Variants in CSNK2A2IP observed in about 807,000 individuals in gnomAD.
CSNK2A2IP encodes casein kinase II subunit alpha'-interacting protein.
chr3:88,452,325 A>T, the CSNK2A2IP span, among the ~76,000 whole-genome samples: 1 of 152,290 alleles, frequency 6.6e-6, no homozygotes, highest in South Asian at 2.1e-4. Flanking sequence ...ATTATACAGA[A>T]GCATGAAAAT....
At chr3:88,449,872 TATAGAG>T in the CSNK2A2IP span, among the ~76,000 whole-genome samples, 1 of 79,052 alleles carries the variant, frequency 1.3e-5, no homozygotes, top group African/African-American at 4.1e-5. Flanking sequence ...TATATATATA[TATAGAG>T]AGAGAGAGAG....
At chr3:88,423,377 CT>C in the CSNK2A2IP span, among the ~76,000 whole-genome samples, 12 of 151,734 alleles carry the variant, frequency 7.9e-5, no homozygotes, top group African/African-American at 2.9e-4. Context: ...TTTTTTCTCC[CT>C]TCTGTTTTTC....
chr3:88,343,230 T>G, the CSNK2A2IP span: 1 of 152,364 alleles, frequency 6.6e-6, no homozygotes, highest in African/African-American at 2.4e-5. Context: ...TGTCCCTGTC[T>G]CAGAGTCGCC....
the CSNK2A2IP span, among the ~76,000 whole-genome samples, chr3:88,358,155 A>T: frequency 6.6e-6 from 1 of 152,346 alleles, no homozygotes; most frequent in East Asian, 1.9e-4. Flanking sequence ...ATTGGCATAT[A>T]GAAATGCTAC....
chr3:88,460,888 G>A, the CSNK2A2IP span, among the ~76,000 whole-genome samples: 1 of 152,038 alleles, frequency 6.6e-6, no homozygotes, highest in South Asian at 2.1e-4. Flanking sequence ...AGGAGTTCAA[G>A]ACCAACCTGA....
the CSNK2A2IP span, among the ~76,000 whole-genome samples, chr3:88,419,245 G>A: frequency 1.3e-5 from 2 of 152,158 alleles, no homozygotes; most frequent in Non-Finnish European, 2.9e-5. Flanking sequence ...CTGGTCTGTG[G>A]AAAAATTGTC....
chr3:88,390,369 G>C, the CSNK2A2IP span, among the ~76,000 whole-genome samples: 6 of 152,132 alleles, frequency 3.9e-5, no homozygotes, highest in African/African-American at 1.4e-4. Context: ...CCAGGATAAA[G>C]GTACTGCTGG....
chr3:88,401,318 A>G, the CSNK2A2IP span, among the ~76,000 whole-genome samples: 3 of 152,140 alleles, frequency 2.0e-5, no homozygotes, highest in Non-Finnish European at 2.9e-5. Flanking sequence ...CTGGGGAACT[A>G]TCATTATTTA....
At chr3:88,463,533 C>CA in the CSNK2A2IP span, among the ~76,000 whole-genome samples, 2 of 151,734 alleles carry the variant, frequency 1.3e-5, no homozygotes, top group African/African-American at 4.8e-5. Context: ...TTTATGCAGC[C>CA]AAAAAACACA....
At chr3:88,418,463 T>TGTGTGAGCGCGC in the CSNK2A2IP span, among the ~76,000 whole-genome samples, 2 of 149,536 alleles carry the variant, frequency 1.3e-5, no homozygotes, top group East Asian at 4.1e-4. Context: ...TGTGTGTGTG[T>TGTGTGAGCGCGC]GCGCGCGGGC....
At chr3:88,463,562 C>T in the CSNK2A2IP span, among the ~76,000 whole-genome samples, 3 of 152,088 alleles carry the variant, frequency 2.0e-5, no homozygotes, top group Non-Finnish European at 4.4e-5. Context: ...TGCTCATCAT[C>T]ACTGGCCATC....
At chr3:88,415,021 CCACACA>C in the CSNK2A2IP span, among the ~76,000 whole-genome samples, 4 of 148,656 alleles carry the variant, frequency 2.7e-5, no homozygotes, top group Admixed American at 1.3e-4. Context: ...TAAAAAAAAC[CCACACA>C]CACACACACA....
chr3:88,352,228 T>C, the CSNK2A2IP span, among the ~76,000 whole-genome samples: 1 of 152,024 alleles, frequency 6.6e-6, no homozygotes, highest in Non-Finnish European at 1.5e-5. Flanking sequence ...TATCTACCTA[T>C]CTATCTATCT....
the CSNK2A2IP span, among the ~76,000 whole-genome samples, chr3:88,460,573 C>T: frequency 1.3e-5 from 2 of 152,062 alleles, no homozygotes; most frequent in Admixed American, 1.3e-4. Flanking sequence ...TTAGCATCAT[C>T]ATCATTTTTT....
chr3:88,452,372 T>G, the CSNK2A2IP span, among the ~76,000 whole-genome samples: 1 of 152,174 alleles, frequency 6.6e-6, no homozygotes, highest in Non-Finnish European at 1.5e-5. Flanking sequence ...TCTGTAGTTT[T>G]GTTAAACAAA....
chr3:88,416,630 C>A, the CSNK2A2IP span, among the ~76,000 whole-genome samples: 1 of 152,180 alleles, frequency 6.6e-6, no homozygotes, highest in African/African-American at 2.4e-5. Flanking sequence ...ACCACGGAAT[C>A]ATAGACATTT....
At chr3:88,342,342 A>G in the CSNK2A2IP span, among the ~76,000 whole-genome samples, 1 of 152,014 alleles carries the variant, frequency 6.6e-6, no homozygotes, top group Admixed American at 6.6e-5. Context: ...ACCTGTGCCA[A>G]TCACTGAGTT....
the CSNK2A2IP span, among the ~76,000 whole-genome samples, chr3:88,361,813 G>A: frequency 1.3e-5 from 2 of 151,154 alleles, no homozygotes; most frequent in Non-Finnish European, 2.9e-5. Flanking sequence ...TTTCTCCTCT[G>A]TGTATTTTCT....
At chr3:88,364,901 A>G in the CSNK2A2IP span, among the ~76,000 whole-genome samples, 7 of 152,332 alleles carry the variant, frequency 4.6e-5, no homozygotes, top group Non-Finnish European at 1.0e-4. Flanking sequence ...TTTAGCACCT[A>G]CAATGTGCCA....
Sources: allele counts gnomAD v4.1 joint callset (sites outside exome capture counted in the v4.1 genomes callset), GRCh38; gene constraint gnomAD v4.1.1; transcripts MANE v1.5; gene names NCBI Gene and HGNC (gene_info 2026-07-23, HGNC 2026-07-21).